Variants in MAML3 observed in about 807,000 individuals in gnomAD.
The protein encoded by MAML3 is mastermind-like protein 3.
Under a neutral mutation model 101.9 loss-of-function variants are expected in MAML3, and 27 were observed. The ratio of observed to expected loss-of-function variants is 0.27; its 90% CI spans 0.20 to 0.37. MAML3 has a LOEUF of 0.37. MAML3 is among the 10% of genes least tolerant of loss of function. The pLI is 1.00. For missense variants in MAML3, 1,316 were observed against 1,444.9 expected, an observed-to-expected ratio of 0.91 and a Z score of 1.45; for synonymous variants, 501 against 555.9, an observed-to-expected ratio of 0.90 and a Z score of 1.39.
intron 1 of MAML3, among the ~76,000 whole-genome samples, chr4:139,991,083 C>T (rs555016506): frequency 1.6e-4 from 25 of 152,196 alleles, no homozygotes; most frequent in South Asian, 1.5e-3. Flanking sequence ...AAAGAGAGCC[C>T]GCATCTCCAA....
chr4:139,888,439 T>TC (rs1241004501), intron 2 of MAML3: 7 of 455,296 alleles, frequency 1.5e-5, no homozygotes, highest in Non-Finnish European at 8.7e-6. Context: ...CTTGAATTCA[T>TC]CCATGTAGGG....
rs377538512 is a variant in MAML3 at position 140,028,470 on chromosome 4, TTCTC to T, written c.468+124386_468+124389del. ...CATCTCTCTCCTTCTCTCTCTCTCT[TTCTC>T]ATTATTCTTCGTGATTCCAAAGGAG... On this transcript the variant is annotated intron_variant, in intron 1 of 4. Coordinates refer to ENST00000509479, the MANE Select transcript of MAML3 (RefSeq NM_018717.5). Among the ~76,000 whole-genome samples the T allele has an allele frequency of 7.0e-4, 107 of 152,298 alleles. 1 individual carries two copies. The highest frequency in any genetic ancestry group is 2.4e-3 in the Admixed American group (36 of 15,296).
intron 2 of MAML3, among the ~76,000 whole-genome samples, chr4:139,819,354 T>C (rs193044205): frequency 6.6e-6 from 1 of 152,332 alleles, no homozygotes; most frequent in Admixed American, 6.5e-5. Context: ...GAGAGGAAGC[T>C]GAAAGGTATT....
intron 1 of MAML3, among the ~76,000 whole-genome samples, chr4:140,144,951 T>C (rs964626037): frequency 1.3e-5 from 2 of 152,212 alleles, no homozygotes; most frequent in African/African-American, 4.8e-5. Context: ...TGAGCTACTT[T>C]CAGCATCTAA....
At position 139,986,824 on chromosome 4, in the gene MAML3, C is replaced by T. The variant is rs193181333; in HGVS notation, c.469-95857G>A. ...TAAATTGTACACACAAAGCAGCCAT[C>T]GGCAATTTGCCTGGTGGGGTTGGAT... On this transcript the variant is annotated intron_variant, in intron 1 of 4. Coordinates refer to ENST00000509479, the MANE Select transcript of MAML3 (RefSeq NM_018717.5). Among the ~76,000 whole-genome samples the T allele has an allele frequency of 1.3e-3, 200 of 152,244 alleles. 4 individuals are homozygous for T. Among genetic ancestry groups the T allele is most frequent in the Middle Eastern group, 3.4e-3 (1 of 294 alleles).
At chr4:139,936,361 C>T (rs1397324833) in intron 1 of MAML3, among the ~76,000 whole-genome samples, 1 of 152,142 alleles carries the variant, frequency 6.6e-6, no homozygotes, top group African/African-American at 2.4e-5. Context: ...CACAGGAGTG[C>T]AAACATCTTT....
chr4:140,041,285 A>G (rs963378298), intron 1 of MAML3, among the ~76,000 whole-genome samples: 1 of 152,100 alleles, frequency 6.6e-6, no homozygotes, highest in Non-Finnish European at 1.5e-5. Flanking sequence ...GACTTCATGG[A>G]GTAGGCCAGA....
At position 139,914,026 on chromosome 4, in the gene MAML3, C is replaced by G. The variant is rs72712527; in HGVS notation, c.469-23059G>C. The stretch of plus-strand genomic sequence containing the variant: ...AAATTTTTTTTTTACAAGAAAGTAT[C>G]CAGTAACAAATTGTTTCCCTCCTCC... On this transcript the variant is annotated intron_variant, in intron 1 of 4. Coordinates refer to ENST00000509479, the MANE Select transcript of MAML3 (RefSeq NM_018717.5). Among the ~76,000 whole-genome samples, 441 of 152,200 alleles carry G rather than the reference C, an allele frequency of 2.9e-3. 2 individuals carry two copies. The highest frequency in any genetic ancestry group is 4.1e-3 in the Non-Finnish European group (277 of 68,006).
At chr4:139,925,118 G>C (rs937205091) in intron 1 of MAML3, among the ~76,000 whole-genome samples, 2 of 152,106 alleles carry the variant, frequency 1.3e-5, no homozygotes, top group Non-Finnish European at 2.9e-5. Context: ...GGACCCCTAA[G>C]CAAAACATTT....
At chr4:139,959,311 G>A (rs1733966774) in intron 1 of MAML3, among the ~76,000 whole-genome samples, 1 of 152,188 alleles carries the variant, frequency 6.6e-6, no homozygotes, top group Non-Finnish European at 1.5e-5. Flanking sequence ...GGCATGGAGT[G>A]TGGACCTTTC....
intron 2 of MAML3, among the ~76,000 whole-genome samples, chr4:139,861,104 T>A: frequency 6.6e-6 from 1 of 152,094 alleles, no homozygotes; most frequent in East Asian, 1.9e-4. Context: ...CACAATGCGA[T>A]CCATGCATCA....
chr4:139,845,613 T>C (rs575811632), intron 2 of MAML3, among the ~76,000 whole-genome samples: 1 of 152,174 alleles, frequency 6.6e-6, no homozygotes, highest in Non-Finnish European at 1.5e-5. Context: ...GGAACCTACT[T>C]TGAATAAAAT....
At chr4:139,901,753 T>G (rs1049766335) in intron 1 of MAML3, among the ~76,000 whole-genome samples, 2 of 152,214 alleles carry the variant, frequency 1.3e-5, no homozygotes, top group Non-Finnish European at 2.9e-5. Context: ...TTTCGATTTG[T>G]TTATTTTCTG....
chr4:139,723,046 G>C (rs935905075), intron 4 of MAML3, among the ~76,000 whole-genome samples: 27 of 152,194 alleles, frequency 1.8e-4, no homozygotes, highest in African/African-American at 6.5e-4. Flanking sequence ...TAGCCCCAAA[G>C]GTGAATTCTC....
chr4:140,027,839 T>C (rs1385502039), intron 1 of MAML3, among the ~76,000 whole-genome samples: 1 of 152,230 alleles, frequency 6.6e-6, no homozygotes, highest in African/African-American at 2.4e-5. Context: ...TATTTAGATA[T>C]AATAATATAT....
chr4:139,889,767 T>C lies in MAML3; in HGVS notation c.1669A>G (p.Met557Val), dbSNP rs763680452. ...GTTGTCTTCTGCAGGTTGTTTGCCA[T>C]TGGAGGCACTATAGGGTTTTGGTTG... is the stretch of plus-strand genomic sequence containing the variant. ...FNNQNPIVPP[M>V]ANNLQKTTMN... The change falls in exon 2 of 5, where the codon ATG becomes GTG. Residue 557 changes from methionine (M) to valine (V), a missense_variant. Transcript: ENST00000509479. The C allele has an allele frequency of 3.1e-6, 5 of 1,613,940 alleles. No individual in the cohort carries two copies. The highest frequency in any genetic ancestry group is 4.2e-6 in the Non-Finnish European group (5 of 1,179,908).
chr4:139,974,953 C>T (rs1331078672), intron 1 of MAML3, among the ~76,000 whole-genome samples: 1 of 151,482 alleles, frequency 6.6e-6, no homozygotes, highest in Non-Finnish European at 1.5e-5. Context: ...TGATTAGGGA[C>T]AGGGAAGATG....
intron 2 of MAML3, among the ~76,000 whole-genome samples, chr4:139,863,108 C>A (rs1241403653): frequency 1.4e-5 from 2 of 144,576 alleles, no homozygotes; most frequent in Non-Finnish European, 3.0e-5. Flanking sequence ...CAAGGTTGCG[C>A]CACTGCACTC....
chr4:139,719,496 G>C lies in MAML3; in HGVS notation c.3244C>G (p.Gln1082Glu). ...SGSFAPSSQS[Q>E]AYERNAPQDV... ...TGAGGGGCATTCCGCTCATAGGCTT[G>C]GCTCTGGCTGCTTGGAGCAAAGCTG... The change falls in exon 5 of 5, where the codon CAA becomes GAA. Residue 1082 changes from glutamine (Q) to glutamate (E), a missense_variant. Gln to Glu is a conservative substitution (Grantham distance 29, BLOSUM62 2). Transcript: ENST00000509479. The C allele has an allele frequency of 6.2e-7, 1 of 1,614,002 alleles. No homozygotes were observed. Among genetic ancestry groups the C allele is most frequent in the Non-Finnish European group, 8.5e-7 (1 of 1,179,884 alleles).
Sources: allele counts gnomAD v4.1 joint callset (sites outside exome capture counted in the v4.1 genomes callset), GRCh38; gene constraint gnomAD v4.1.1; transcripts MANE v1.5; gene names NCBI Gene and HGNC (gene_info 2026-07-23, HGNC 2026-07-21).